Variants in FHOD3 observed in about 807,000 individuals in gnomAD.
FHOD3 encodes the protein formin homology 2 domain containing 3.
In FHOD3, 90 loss-of-function variants were observed where a neutral mutation model predicts 173.0. The observed-to-expected ratio is 0.52, with a 90% confidence interval of 0.44 to 0.62. The LOEUF (loss-of-function observed/expected upper bound fraction) is 0.62, where lower values mean the gene tolerates loss of function less well. FHOD3 is among the 20% of genes least tolerant of loss of function. The pLI, the probability that FHOD3 is intolerant of heterozygous loss-of-function variation, is 0.00. For synonymous variants in FHOD3, 828 were observed against 823.0 expected, an observed-to-expected ratio of 1.01 and a Z score of -0.10; for missense variants, 1,945 against 2,034.7, an observed-to-expected ratio of 0.96 and a Z score of 0.85.
chr18:36,441,356 G>A (rs1169476816), intron 3 of FHOD3, among the ~76,000 whole-genome samples: 2 of 152,158 alleles, frequency 1.3e-5, no homozygotes, highest in African/African-American at 4.8e-5. Flanking sequence ...GGTGGTCAGT[G>A]GCCAATTCTA....
rs113328058 is a variant in FHOD3 at position 36,734,388 on chromosome 18, C to G, written c.3576+3584C>G. The stretch of plus-strand genomic sequence containing the variant: ...ATGCCAGTAACACCTACCCTCCCCC[C>G]ACAACCAAAACTGTCTCCATACATT... On this transcript the variant is annotated intron_variant, in intron 20 of 28. Coordinates refer to ENST00000590592, the MANE Select transcript of FHOD3 (RefSeq NM_001281740.3). Among the ~76,000 whole-genome samples, 899 of 152,246 alleles carry G rather than the reference C, an allele frequency of 5.9e-3. 5 individuals carry two copies. The highest frequency in any genetic ancestry group is 9.0e-3 in the Non-Finnish European group (613 of 68,006).
chr18:36,692,477 G>T (rs1013830053), intron 16 of FHOD3, among the ~76,000 whole-genome samples: 2 of 152,198 alleles, frequency 1.3e-5, no homozygotes, highest in African/African-American at 4.8e-5. Context: ...TCTATAAAGC[G>T]CACTATGAGG....
intron 19 of FHOD3, among the ~76,000 whole-genome samples, chr18:36,719,921 A>G (rs1175651098): frequency 6.6e-6 from 1 of 152,114 alleles, no homozygotes; most frequent in African/African-American, 2.4e-5. Context: ...GCTGCCCTTC[A>G]CTGATTGGTG....
intron 18 of FHOD3, among the ~76,000 whole-genome samples, chr18:36,713,076 A>C (rs2149710968): frequency 6.6e-6 from 1 of 152,374 alleles, no homozygotes; most frequent in Non-Finnish European, 1.5e-5. Flanking sequence ...AGAAAAACTA[A>C]AAGAGTGGGT....
At chr18:36,664,809 A>AGAGAGAGAGAGATT (rs1435825303) in intron 14 of FHOD3, among the ~76,000 whole-genome samples, 1 of 150,524 alleles carries the variant, frequency 6.6e-6, no homozygotes, top group Non-Finnish European at 1.5e-5. Context: ...AGAGAGAGAG[A>AGAGAGAGAGAGATT]GAGAGATTGA....
At chr18:36,504,411 C>A (rs569849222) in intron 4 of FHOD3, among the ~76,000 whole-genome samples, 1 of 152,152 alleles carries the variant, frequency 6.6e-6, no homozygotes, top group African/African-American at 2.4e-5. Context: ...ACTATGCAGC[C>A]ATAAAAAATG....
At chr18:36,455,576 TA>T (rs35181859) in intron 3 of FHOD3, among the ~76,000 whole-genome samples, 51,001 of 146,198 alleles carry the variant, frequency 0.35, 8,918 homozygotes, top group South Asian at 0.5. Context: ...AACCTTTAAT[TA>T]AAAAAAAAAA....
intron 27 of FHOD3, among the ~76,000 whole-genome samples, chr18:36,765,524 G>T (rs1404711777): frequency 6.6e-6 from 1 of 152,196 alleles, no homozygotes; most frequent in Non-Finnish European, 1.5e-5. Flanking sequence ...TGATTCAGAT[G>T]TTGAAATCTA....
intron 24 of FHOD3, among the ~76,000 whole-genome samples, chr18:36,747,613 T>C (rs1377203621): frequency 6.6e-6 from 1 of 152,158 alleles, no homozygotes; most frequent in African/African-American, 2.4e-5. Context: ...CCAAGCTCCA[T>C]CACAGCACTG....
At chr18:36,389,659 G>A (rs984077079) in intron 3 of FHOD3, among the ~76,000 whole-genome samples, 5 of 152,104 alleles carry the variant, frequency 3.3e-5, no homozygotes, top group African/African-American at 4.8e-5. Flanking sequence ...CTAAAATGAC[G>A]TAATATGGAT....
At chr18:36,595,629 T>A (rs1434265363) in intron 7 of FHOD3, among the ~76,000 whole-genome samples, 1 of 152,138 alleles carries the variant, frequency 6.6e-6, no homozygotes, top group East Asian at 1.9e-4. Flanking sequence ...GGTCTCTGTC[T>A]CCCAGAGTGA....
At chr18:36,720,114 C>T (rs1485704899) in intron 19 of FHOD3, among the ~76,000 whole-genome samples, 2 of 152,062 alleles carry the variant, frequency 1.3e-5, no homozygotes, top group African/African-American at 4.8e-5. Context: ...CAGCTTTTGT[C>T]CTCTCCAGAA....
At chr18:36,377,190 C>A (rs56348048) in intron 3 of FHOD3, among the ~76,000 whole-genome samples, 16,784 of 152,212 alleles carry the variant, frequency 0.11, 1,308 homozygotes, top group South Asian at 0.31. Flanking sequence ...CCTCTCCTTT[C>A]TTCCCAGACC....
intron 1 of FHOD3, among the ~76,000 whole-genome samples, chr18:36,301,059 T>C (rs1186095104): frequency 6.6e-6 from 1 of 152,174 alleles, no homozygotes; most frequent in Non-Finnish European, 1.5e-5. Flanking sequence ...AACTTTTGAC[T>C]GAAGTGGTCA....
chr18:36,625,543 C>A lies in FHOD3; in HGVS notation c.990C>A (p.Thr330=), dbSNP rs960909702. ...VALRHEDGDE[T]TEPPPSGCRD... is the part of the protein sequence containing the mutation. Reference sequence around the variant, plus strand: ...TCAGGCACGAGGATGGCGATGAGACCACGGAGCCACCCCCCAGTGGGTGCC... The same window carrying A: ...TCAGGCACGAGGATGGCGATGAGACAACGGAGCCACCCCCCAGTGGGTGCC... The change falls in exon 10 of 29, where the codon ACC becomes ACA. Residue 330 remains threonine (T), a synonymous_variant. Coordinates refer to ENST00000590592, the MANE Select transcript of FHOD3 (RefSeq NM_001281740.3). The A allele has an allele frequency of 2.0e-6, 3 of 1,489,732 alleles. No homozygotes were observed. The highest frequency in any genetic ancestry group is 2.7e-6 in the Non-Finnish European group (3 of 1,108,544). The allele number at this position is 1,489,732 out of a possible 1,614,324, so 92.3% of individuals were successfully genotyped here.
intron 6 of FHOD3, among the ~76,000 whole-genome samples, chr18:36,586,039 T>C (rs1048352885): frequency 6.6e-6 from 1 of 152,224 alleles, no homozygotes; most frequent in African/African-American, 2.4e-5. Context: ...GTGAGCTGCC[T>C]GCCACACTCT....
intron 5 of FHOD3, among the ~76,000 whole-genome samples, chr18:36,528,883 C>T (rs919408970): frequency 6.6e-5 from 10 of 152,192 alleles, no homozygotes; most frequent in South Asian, 2.1e-4. Context: ...GCTGATAGTC[C>T]GTGCCACATC....
At chr18:36,709,055 A>T (rs1419707105) in intron 17 of FHOD3, 40 bp from the exon 18 acceptor site, 10 of 1,589,242 alleles carry the variant, frequency 6.3e-6, no homozygotes, top group Non-Finnish European at 8.6e-6. Context: ...CCTTCCAAGA[A>T]ATCTGTCGTC....
chr18:36,685,691 C>T (rs2038563918), intron 15 of FHOD3, among the ~76,000 whole-genome samples: 1 of 152,086 alleles, frequency 6.6e-6, no homozygotes, highest in African/African-American at 2.4e-5. Flanking sequence ...CCCTTTATAT[C>T]CAGTTATCAG....
Sources: allele counts gnomAD v4.1 joint callset (sites outside exome capture counted in the v4.1 genomes callset), GRCh38; gene constraint gnomAD v4.1.1; transcripts MANE v1.5; gene names NCBI Gene and HGNC (gene_info 2026-07-23, HGNC 2026-07-21).